CD109: variants seen among roughly 807,000 people sequenced by gnomAD.
CD109 encodes CD109 molecule, also known as CD109 antigen.
A neutral mutation model predicts 165.8 loss-of-function variants in CD109; 149 were observed. That is an observed-to-expected ratio of 0.90 (90% CI 0.79 to 1.03). The LOEUF is 1.03. Among genes scored for constraint, CD109 ranks in the 50% least tolerant of loss-of-function variants. The pLI, the probability that CD109 is intolerant of heterozygous loss-of-function variation, is 0.00. For synonymous variants in CD109, 585 were observed against 592.1 expected, an observed-to-expected ratio of 0.99 and a Z score of 0.18; for missense variants, 1,712 against 1,677.8, an observed-to-expected ratio of 1.02 and a Z score of -0.36.
intron 1 of CD109, among the ~76,000 whole-genome samples, chr6:73,696,948 C>T (rs1770863356): frequency 1.3e-5 from 2 of 152,166 alleles, no homozygotes; most frequent in African/African-American, 2.4e-5. Flanking sequence ...TGGGCAGCTA[C>T]TCAAGGATAA....
intron 24 of CD109, 92 bp from the exon 25 acceptor site, chr6:73,806,752 G>T: frequency 1.2e-6 from 1 of 820,104 alleles, no homozygotes; most frequent in Non-Finnish European, 1.9e-6. Context: ...ATCTTCTGAT[G>T]GGGGAAAAAG....
intron 30 of CD109, among the ~76,000 whole-genome samples, chr6:73,817,510 T>C (rs191199297): frequency 1.3e-5 from 2 of 152,310 alleles, no homozygotes; most frequent in East Asian, 3.9e-4. Context: ...TTGGCAGGCA[T>C]GGGTTTTCTG....
chr6:73,722,781 G>C (rs981680285), intron 2 of CD109, among the ~76,000 whole-genome samples: 5 of 152,218 alleles, frequency 3.3e-5, no homozygotes, highest in African/African-American at 1.2e-4. Context: ...CACGAAAAAA[G>C]TCTGCATCAC....
intron 2 of CD109, among the ~76,000 whole-genome samples, chr6:73,714,909 G>A (rs1771668055): frequency 6.6e-6 from 1 of 152,182 alleles, no homozygotes; most frequent in African/African-American, 2.4e-5. Flanking sequence ...ATACAAACAG[G>A]CTATACAGGC....
At chr6:73,681,539 G>C in the CD109 span, among the ~76,000 whole-genome samples, 1 of 151,948 alleles carries the variant, frequency 6.6e-6, no homozygotes, top group Admixed American at 6.6e-5. Flanking sequence ...AAGGCAAGGA[G>C]AAACAAGTCA....
At chr6:73,738,982 A>C (rs919211687) in intron 5 of CD109, among the ~76,000 whole-genome samples, 3 of 152,176 alleles carry the variant, frequency 2.0e-5, no homozygotes, top group African/African-American at 4.8e-5. Context: ...TTAGTGGTCC[A>C]TGATAGACAG....
intron 2 of CD109, among the ~76,000 whole-genome samples, chr6:73,708,230 T>C (rs1771374461): frequency 6.6e-6 from 1 of 151,948 alleles, no homozygotes; most frequent in Non-Finnish European, 1.5e-5. Context: ...TTCCCACCTA[T>C]GAGTGAGAAC....
chr6:73,720,302 A>G lies in CD109; in HGVS notation c.248-2949A>G, dbSNP rs370040405. 6.6e-5 allele frequency among the ~76,000 whole-genome samples: 10 copies of G among 152,324 alleles called. No individual in the cohort carries two copies. The East Asian group carries it at 1.9e-3, about 29-fold the overall frequency. ...TTGCATGATCTCACTTATATGTGGA[A>G]GGTAAAAAAAGATGAACTCATAGAA... On this transcript the variant is annotated intron_variant, in intron 2 of 32. Transcript: ENST00000287097.
intron 24 of CD109, among the ~76,000 whole-genome samples, chr6:73,804,525 GCT>G (rs1174230622): frequency 6.6e-6 from 1 of 151,792 alleles, no homozygotes; most frequent in East Asian, 1.9e-4. Context: ...TTTAAAACCC[GCT>G]CTTAGGTGGT....
rs368019577 is a variant in CD109, at chr6:73,766,992, G to A, written c.1479G>A (p.Leu493=). Residue 493 remains leucine (L), a synonymous_variant, in exon 13 of 33, where the codon TTG becomes TTA. Coordinates refer to ENST00000287097, the MANE Select transcript of CD109 (RefSeq NM_133493.5). The part of the protein sequence containing the change: ...FELVVSGNKR[L]KELSYMVVSR... ...TGGTGGTTAGTGGCAACAAACGATTGAAGGAGTTAAGCTATATGGTAATCT... is the reference window on the plus strand; with the variant it reads ...TGGTGGTTAGTGGCAACAAACGATTAAAGGAGTTAAGCTATATGGTAATCT... The A allele has an allele frequency of 2.5e-6, 4 of 1,613,422 alleles. No individual in the cohort carries two copies. Among genetic ancestry groups the A allele is most frequent in the Non-Finnish European group, 3.4e-6 (4 of 1,179,614 alleles).
At chr6:73,766,698 C>T in intron 11 of CD109, 61 bp from the exon 12 acceptor site, 1 of 1,194,630 alleles carries the variant, frequency 8.4e-7, no homozygotes, top group Non-Finnish European at 1.2e-6. Context: ...CAGCAGGTAA[C>T]ATCTTTTCTC....
In CD109 at chr6:73,697,465, A is replaced by G; in HGVS notation, c.140A>G (p.Glu47Gly). Residue 47 changes from glutamate (E) to glycine (G), a missense_variant, in exon 2 of 33, where the codon GAG (glutamate) becomes GGG (glycine). Glu to Gly is a moderately conservative substitution (Grantham distance 98). Transcript: ENST00000287097. The stretch of plus-strand genomic sequence containing the variant: ...GGAGGAAATGTGACTATTGGGGTGG[A>G]GCTTCTGGAACACTGCCCTTCACAG... ...RPGGNVTIGV[E>G]LLEHCPSQVT... The G allele has an allele frequency of 6.2e-7, 1 of 1,614,096 alleles. No individual in the cohort carries two copies. Among genetic ancestry groups the G allele is most frequent in the Non-Finnish European group, 8.5e-7 (1 of 1,180,010 alleles).
upstream of CD109, among the ~76,000 whole-genome samples, chr6:73,691,485 A>G (rs373340905): frequency 3.3e-5 from 5 of 152,306 alleles, no homozygotes; most frequent in East Asian, 9.6e-4. Context: ...TAGCTCCTTT[A>G]GTTCTCAGAG....
chr6:73,767,353 C>T (rs1274056491), intron 13 of CD109, among the ~76,000 whole-genome samples: 1 of 152,122 alleles, frequency 6.6e-6, no homozygotes, highest in African/African-American at 2.4e-5. Context: ...TAGTGGCCTC[C>T]AGCTCCATCC....
intron 9 of CD109, 37 bp from the exon 10 acceptor site, chr6:73,763,539 T>C: frequency 8.5e-7 from 1 of 1,181,186 alleles, no homozygotes; most frequent in Non-Finnish European, 1.2e-6. Context: ...GGTGAAACAT[T>C]ACTTTTGCTT....
At chr6:73,786,380 A>AT (rs1039575938) in intron 20 of CD109, among the ~76,000 whole-genome samples, 6 of 151,906 alleles carry the variant, frequency 3.9e-5, no homozygotes, top group East Asian at 3.9e-4. Context: ...TTTATATATA[A>AT]TTTTTTTTAA....
intron 2 of CD109, among the ~76,000 whole-genome samples, chr6:73,707,999 TA>T (rs1231949178): frequency 5.5e-4 from 49 of 89,004 alleles, no homozygotes; most frequent in African/African-American, 1.5e-3. Context: ...TATATATATA[TA>T]TATATATATT....
intron 5 of CD109, 49 bp downstream of exon 5, chr6:73,736,557 G>A: frequency 1.3e-6 from 2 of 1,513,872 alleles, no homozygotes; most frequent in South Asian, 1.2e-5. Flanking sequence ...GATTTAATTA[G>A]GTCAGGTGGG....
chr6:73,816,899 G>A (rs949925638), intron 30 of CD109, among the ~76,000 whole-genome samples: 5 of 152,304 alleles, frequency 3.3e-5, no homozygotes, highest in African/African-American at 4.8e-5. Context: ...AGCATTTATA[G>A]GGGTTCATGT....
Sources: allele counts gnomAD v4.1 joint callset (sites outside exome capture counted in the v4.1 genomes callset), GRCh38; gene constraint gnomAD v4.1.1; transcripts MANE v1.5; gene names NCBI Gene and HGNC (gene_info 2026-07-23, HGNC 2026-07-21).